Variants in TLK1 observed in about 807,000 individuals in gnomAD.
TLK1 encodes tousled like kinase 1.
In TLK1, 24 loss-of-function variants were observed where a neutral mutation model predicts 105.3. The ratio of observed to expected loss-of-function variants is 0.23; its 90% CI spans 0.17 to 0.32. The LOEUF is 0.32. Among genes scored for constraint, TLK1 ranks in the 10% least tolerant of loss-of-function variants. The pLI is 1.00. For missense variants in TLK1, 558 were observed against 910.5 expected, an observed-to-expected ratio of 0.61 and a Z score of 4.98; for synonymous variants, 321 against 310.4, an observed-to-expected ratio of 1.03 and a Z score of -0.36.
chr2:171,100,029 A>C (rs1297189554), intron 2 of TLK1, among the ~76,000 whole-genome samples: 2 of 152,258 alleles, frequency 1.3e-5, no homozygotes, highest in Non-Finnish European at 1.5e-5. Flanking sequence ...TCTAGTACCC[A>C]GTAAGTATAA....
intron 3 of TLK1, among the ~76,000 whole-genome samples, chr2:171,064,234 G>A (rs1410908123): frequency 2.6e-5 from 4 of 152,104 alleles, no homozygotes; most frequent in Admixed American, 2.0e-4. Context: ...TTATTAAAGG[G>A]GAAGGAGAAG....
chr2:171,094,911 A>G (rs1689389767), intron 2 of TLK1, among the ~76,000 whole-genome samples: 1 of 152,110 alleles, frequency 6.6e-6, no homozygotes, highest in African/African-American at 2.4e-5. Context: ...CCTGGCCTCA[A>G]ACTAAATTTT....
At chr2:171,073,394 A>C (rs751806707) in intron 3 of TLK1, among the ~76,000 whole-genome samples, 1 of 152,214 alleles carries the variant, frequency 6.6e-6, no homozygotes, top group Non-Finnish European at 1.5e-5. Flanking sequence ...AATAGCTTAC[A>C]GATCCATTTC....
chr2:171,185,130 A>C lies in TLK1; in HGVS notation c.-6+46015T>G, dbSNP rs567617868. ...CTGGGATTACAGGCGTGAGCCACCG[A>C]GCCCGGCCTATAACTATGTTTTAAT... On this transcript the variant is annotated intron_variant, in intron 1 of 20. Transcript: ENST00000521943. 1.6e-4 allele frequency among the ~76,000 whole-genome samples: 25 copies of C among 152,148 alleles called. No homozygotes were observed. The South Asian group carries it at 1.9e-3, about 11-fold the overall frequency.
intron 1 of TLK1, among the ~76,000 whole-genome samples, chr2:171,221,894 C>A (rs1298800552): frequency 6.6e-6 from 1 of 152,220 alleles, no homozygotes; most frequent in African/African-American, 2.4e-5. Flanking sequence ...TCCTTCAAGT[C>A]ACCATATCCA....
intron 1 of TLK1, among the ~76,000 whole-genome samples, chr2:171,146,470 A>G (rs1045302735): frequency 2.6e-5 from 4 of 152,274 alleles, no homozygotes; most frequent in Non-Finnish European, 4.4e-5. Context: ...ATTGAATTCA[A>G]TAAAAGCATA....
At chr2:171,218,418 T>C (rs1693753167) in intron 1 of TLK1, among the ~76,000 whole-genome samples, 1 of 152,178 alleles carries the variant, frequency 6.6e-6, no homozygotes, top group South Asian at 2.1e-4. Context: ...TTTTGCCAGA[T>C]GAAAAGAGTT....
At chr2:171,028,696 A>C (rs568269538) in intron 11 of TLK1, among the ~76,000 whole-genome samples, 1 of 152,354 alleles carries the variant, frequency 6.6e-6, no homozygotes, top group Non-Finnish European at 1.5e-5. Context: ...TAATTCTACA[A>C]TGTTTTAATG....
chr2:171,084,550 A>C (rs1212197943), intron 2 of TLK1, among the ~76,000 whole-genome samples: 1 of 152,224 alleles, frequency 6.6e-6, no homozygotes, highest in Non-Finnish European at 1.5e-5. Context: ...AAGAAAAGCC[A>C]TCCTGAACCA....
At chr2:171,076,403 C>A (rs1688507718) in intron 3 of TLK1, among the ~76,000 whole-genome samples, 1 of 152,066 alleles carries the variant, frequency 6.6e-6, no homozygotes, top group African/African-American at 2.4e-5. Flanking sequence ...TGATCCTCAC[C>A]TGATGCTTGA....
At chr2:171,194,582 C>T (rs1575654185) in intron 1 of TLK1, among the ~76,000 whole-genome samples, 1 of 152,170 alleles carries the variant, frequency 6.6e-6, no homozygotes, top group East Asian at 1.9e-4. Flanking sequence ...CTTTGGGAGG[C>T]CGAGGCGGGC....
rs71013025 is a variant in TLK1 at position 171,223,481 on chromosome 2, CTTTTTTTTTT to C, written c.-6+7654_-6+7663del. ...TAAATGTCTATTCAGGTATTTTGCA[CTTTTTTTTTT>C]TTTTTTTGGAAGGACTCTTACTCTG... is the stretch of plus-strand genomic sequence containing the variant. On this transcript the variant is annotated intron_variant, in intron 1 of 20. Coordinates refer to the TLK1 transcript ENST00000521943. 3.1e-5 allele frequency among the ~76,000 whole-genome samples: 4 copies of C among 127,008 alleles called. No individual in the cohort carries two copies. In the Admixed American group the frequency reaches 3.4e-4, roughly 11 times the overall value. 83.3% of individuals were successfully genotyped at this position (127,008 alleles called of 152,430 possible). A position where few individuals can be genotyped will look rare whatever the true frequency, so the allele number is the denominator to read the frequency against.
intron 13 of TLK1, 134 bp downstream of exon 13, chr2:171,014,717 A>G (rs1167971444): frequency 7.5e-6 from 5 of 664,674 alleles, no homozygotes; most frequent in Non-Finnish European, 1.3e-5. Flanking sequence ...AAGGCCTTCC[A>G]AGCCATGGGA....
At chr2:171,086,482 C>A (rs1398102241) in intron 2 of TLK1, among the ~76,000 whole-genome samples, 1 of 152,004 alleles carries the variant, frequency 6.6e-6, no homozygotes, top group African/African-American at 2.4e-5. Context: ...AAAAAACAGC[C>A]AGGCGTCATG....
chr2:171,138,497 A>AT (rs1167269808), intron 1 of TLK1, among the ~76,000 whole-genome samples: 1 of 152,072 alleles, frequency 6.6e-6, no homozygotes, highest in Non-Finnish European at 1.5e-5. Context: ...AATCCCAATC[A>AT]TTTTTTTCTC....
At chr2:171,153,666 A>C (rs1692127504) in intron 1 of TLK1, among the ~76,000 whole-genome samples, 1 of 152,230 alleles carries the variant, frequency 6.6e-6, no homozygotes, top group Admixed American at 6.5e-5. Context: ...ACACTAAACA[A>C]CACAGGCACT....
chr2:171,086,085 A>G (rs1203971280), intron 2 of TLK1, among the ~76,000 whole-genome samples: 2 of 152,124 alleles, frequency 1.3e-5, no homozygotes, highest in Non-Finnish European at 2.9e-5. Context: ...ATGCATATGA[A>G]AAAAACCTTA....
chr2:171,148,365 T>C (rs1691878384), intron 1 of TLK1, among the ~76,000 whole-genome samples: 1 of 152,036 alleles, frequency 6.6e-6, no homozygotes, highest in African/African-American at 2.4e-5. Context: ...GGATTAGAAG[T>C]GTGGACTTGG....
intron 3 of TLK1, among the ~76,000 whole-genome samples, chr2:171,065,162 T>C (rs2105451832): frequency 6.6e-6 from 1 of 152,254 alleles, no homozygotes. Context: ...ACCACCTGTA[T>C]AAGCCTCAAA....
Sources: gnomAD v4.1 joint callset for allele counts (sites outside exome capture counted in the v4.1 genomes callset) on GRCh38, gnomAD v4.1.1 for gene constraint, MANE v1.5 for transcripts, NCBI Gene and HGNC (gene_info 2026-07-23, HGNC 2026-07-21) for gene names.